Variants in SLC9A9 observed in about 807,000 individuals in gnomAD.
SLC9A9 encodes solute carrier family 9 member A9.
SLC9A9 carries 62 observed loss-of-function variants against 77.8 expected under a neutral mutation model. The observed-to-expected ratio is 0.80, with a 90% CI of 0.65 to 0.98. The LOEUF (loss-of-function observed/expected upper bound fraction) is 0.98, where lower values mean the gene tolerates loss of function less well. SLC9A9 is among the 50% of genes least tolerant of loss of function. SLC9A9 has a pLI of 0.00. For synonymous variants in SLC9A9, 320 were observed against 283.5 expected, an observed-to-expected ratio of 1.13 and a Z score of -1.29; for missense variants, 775 against 774.9, an observed-to-expected ratio of 1.00 and a Z score of 0.00.
intron 14 of SLC9A9, among the ~76,000 whole-genome samples, chr3:143,336,071 A>G (rs1237742452): frequency 6.6e-6 from 1 of 152,138 alleles, no homozygotes; most frequent in East Asian, 1.9e-4. Flanking sequence ...TAACAAAATA[A>G]CCTTATTGGA....
chr3:143,344,965 A>G (rs1440628487), intron 14 of SLC9A9, among the ~76,000 whole-genome samples: 1 of 152,212 alleles, frequency 6.6e-6, no homozygotes, highest in Non-Finnish European at 1.5e-5. Flanking sequence ...GAGAGCAGTA[A>G]AACTGGTAAA....
At chr3:143,653,649 T>A (rs191736132) in intron 5 of SLC9A9, among the ~76,000 whole-genome samples, 1 of 152,184 alleles carries the variant, frequency 6.6e-6, no homozygotes, top group East Asian at 1.9e-4. Context: ...ATAAGAGAGA[T>A]GACACAATCT....
At chr3:143,606,436 C>CTCTATATATATATATATATATATATA (rs1419410834) in intron 6 of SLC9A9, among the ~76,000 whole-genome samples, 1 of 54,188 alleles carries the variant, frequency 1.8e-5, no homozygotes. Flanking sequence ...CTCTCTCTCT[C>CTCTATATATATATATATATATATATA]TATATATATA....
At chr3:143,295,105 G>A (rs1227865572) in intron 14 of SLC9A9, among the ~76,000 whole-genome samples, 2 of 152,162 alleles carry the variant, frequency 1.3e-5, no homozygotes, top group African/African-American at 2.4e-5. Context: ...GTTTAAGATT[G>A]TTTTGACAAA....
At chr3:143,783,965 C>G (rs1379143427) in intron 4 of SLC9A9, among the ~76,000 whole-genome samples, 2 of 152,218 alleles carry the variant, frequency 1.3e-5, no homozygotes, top group Non-Finnish European at 2.9e-5. Context: ...TCTATCCTTT[C>G]CCAAAGCACC....
Position 143,530,273 on chromosome 3 carries a change from G to C in SLC9A9, c.1089+22089C>G, listed in dbSNP as rs56704736. 2.6e-3 allele frequency among the ~76,000 whole-genome samples: 392 copies of C among 152,206 alleles called. 1 individual carries two copies. Among genetic ancestry groups the C allele is most frequent in the African/African-American group, 9.1e-3 (377 of 41,530 alleles). On this transcript the variant is annotated intron_variant, in intron 9 of 15. Transcript: ENST00000316549. ...AGCTCCCATGATTCCCACATATTGT[G>C]GGGGGGACCCGGTGAGAGATAATTG... is the stretch of plus-strand genomic sequence containing the variant.
At chr3:143,578,763 A>C in intron 6 of SLC9A9, 40 bp from the exon 7 acceptor site, 1 of 1,612,834 alleles carries the variant, frequency 6.2e-7, no homozygotes, top group Non-Finnish European at 8.5e-7. Flanking sequence ...AGTGACTTTC[A>C]TCTCATAGCC....
intron 14 of SLC9A9, among the ~76,000 whole-genome samples, chr3:143,340,452 T>G (rs1486886067): frequency 6.6e-6 from 1 of 152,214 alleles, no homozygotes; most frequent in African/African-American, 2.4e-5. Flanking sequence ...GTGGTAGGCC[T>G]GGAGGCTATA....
chr3:143,387,262 CAAGAA>C (rs1265497856), intron 12 of SLC9A9, among the ~76,000 whole-genome samples: 2 of 151,396 alleles, frequency 1.3e-5, no homozygotes, highest in South Asian at 4.2e-4. Flanking sequence ...GAGCAGAAAG[CAAGAA>C]AAGAAAAGGA....
chr3:143,631,287 T>A (rs2038419187), intron 6 of SLC9A9, among the ~76,000 whole-genome samples: 1 of 152,280 alleles, frequency 6.6e-6, no homozygotes, highest in South Asian at 2.1e-4. Context: ...CTTTTGAAAA[T>A]ATAGAAGTAA....
intron 12 of SLC9A9, among the ~76,000 whole-genome samples, chr3:143,435,278 T>C (rs921644312): frequency 1.3e-5 from 2 of 152,172 alleles, no homozygotes; most frequent in African/African-American, 4.8e-5. Flanking sequence ...AAGAAGTTTC[T>C]TTTGCACTAT....
chr3:143,626,032 C>T (rs1330034075), intron 6 of SLC9A9, among the ~76,000 whole-genome samples: 3 of 152,152 alleles, frequency 2.0e-5, no homozygotes, highest in Admixed American at 6.5e-5. Flanking sequence ...TCATCACTGG[C>T]CATCAGAGAA....
At chr3:143,806,804 AT>A (rs1476810708) in intron 2 of SLC9A9, among the ~76,000 whole-genome samples, 2 of 152,160 alleles carry the variant, frequency 1.3e-5, no homozygotes, top group Non-Finnish European at 2.9e-5. Flanking sequence ...AAGATCTAGT[AT>A]TTGAGAGCAC....
intron 8 of SLC9A9, among the ~76,000 whole-genome samples, 181 bp from the exon 9 acceptor site, chr3:143,552,631 C>T (rs1485492932): frequency 6.6e-6 from 1 of 152,100 alleles, no homozygotes; most frequent in East Asian, 1.9e-4. Flanking sequence ...TAAACAGGGT[C>T]CTGAAGGATT....
chr3:143,686,004 G>C (rs550347385), intron 5 of SLC9A9, among the ~76,000 whole-genome samples: 11 of 152,300 alleles, frequency 7.2e-5, no homozygotes, highest in African/African-American at 2.6e-4. Flanking sequence ...CTATGTACTA[G>C]AAGTCCAGCT....
intron 6 of SLC9A9, among the ~76,000 whole-genome samples, chr3:143,630,357 G>A (rs530946382): frequency 3.9e-4 from 59 of 152,336 alleles, no homozygotes; most frequent in African/African-American, 1.3e-3. Context: ...AGCTGCTCTA[G>A]CAATGTAACC....
At chr3:143,690,306 C>G (rs189033142) in intron 5 of SLC9A9, among the ~76,000 whole-genome samples, 1 of 151,990 alleles carries the variant, frequency 6.6e-6, no homozygotes, top group East Asian at 1.9e-4. Flanking sequence ...TCATATAATA[C>G]TAAATTTTAA....
chr3:143,458,148 T>C (rs1411799126), intron 12 of SLC9A9, among the ~76,000 whole-genome samples: 1 of 152,172 alleles, frequency 6.6e-6, no homozygotes, highest in Non-Finnish European at 1.5e-5. Flanking sequence ...TATAGTTCTG[T>C]CTTTTTGGAA....
At chr3:143,540,582 T>C (rs1323406804) in intron 9 of SLC9A9, among the ~76,000 whole-genome samples, 3 of 152,088 alleles carry the variant, frequency 2.0e-5, no homozygotes, top group East Asian at 3.9e-4. Context: ...CATAAATAAA[T>C]TGAAAATGAT....
Sources: allele counts gnomAD v4.1 joint callset (sites outside exome capture counted in the v4.1 genomes callset), GRCh38; gene constraint gnomAD v4.1.1; transcripts MANE v1.5; gene names NCBI Gene and HGNC (gene_info 2026-07-23, HGNC 2026-07-21).